The following TAMM41 variants were observed in gnomAD, a reference collection of about 807,000 sequenced individuals.
The protein encoded by TAMM41 is phosphatidate cytidylyltransferase, mitochondrial.
A neutral mutation model predicts 44.1 loss-of-function variants in TAMM41; 36 were observed. That is an observed-to-expected ratio of 0.82 (90% CI 0.63 to 1.08). The LOEUF (loss-of-function observed/expected upper bound fraction) is 1.08, where lower values mean the gene tolerates loss of function less well. TAMM41 is among the 50% of genes least tolerant of loss of function. The probability of loss-of-function intolerance (pLI) is 0.00; values close to 1 mark genes in which losing one functional copy is unlikely to be tolerated. For missense variants in TAMM41, 417 were observed against 404.3 expected (o/e 1.03, Z -0.27); for synonymous variants, 164 against 153.1 (o/e 1.07, Z -0.53).
chr3:11,776,321 T>A, the TAMM41 span, among the ~76,000 whole-genome samples: 3 of 128,730 alleles, frequency 2.3e-5, no homozygotes, highest in East Asian at 2.0e-4. Flanking sequence ...CCCGGCCATT[T>A]AAAATTTTTT....
At chr3:11,782,337 G>A in the TAMM41 span, among the ~76,000 whole-genome samples, 1 of 152,098 alleles carries the variant, frequency 6.6e-6, no homozygotes, top group Non-Finnish European at 1.5e-5. Context: ...CTTGAGCCCA[G>A]CAGCTCAAGA....
intron 7 of TAMM41, among the ~76,000 whole-genome samples, chr3:11,800,406 T>G (rs1160583356): frequency 6.6e-6 from 1 of 152,042 alleles, no homozygotes; most frequent in African/African-American, 2.4e-5. Flanking sequence ...ACCTATATGC[T>G]ACCTACAAGA....
At position 11,823,412 on chromosome 3, in the gene TAMM41, C is replaced by G. The variant is rs192129420; in HGVS notation, c.563-6075G>C. ...CTGGGATTACAGGTGCACACCACCA[C>G]GTCCAACTAATTTTTTGTATTTTCA... On this transcript the variant is annotated intron_variant, in intron 4 of 7. Coordinates refer to ENST00000455809, the MANE Select transcript of TAMM41 (RefSeq NM_001284401.2). 5.9e-5 allele frequency among the ~76,000 whole-genome samples: 9 copies of G among 151,444 alleles called. No homozygotes were observed. In the East Asian group the frequency reaches 1.6e-3, roughly 26 times the overall value.
chr3:11,825,363 G>A (rs545462732), intron 4 of TAMM41, among the ~76,000 whole-genome samples: 3 of 152,192 alleles, frequency 2.0e-5, no homozygotes, highest in South Asian at 4.2e-4. Context: ...CCTGAGTTCC[G>A]GCTGAGGCAC....
At chr3:11,746,517 A>G in the TAMM41 span, among the ~76,000 whole-genome samples, 36 of 152,296 alleles carry the variant, frequency 2.4e-4, no homozygotes, top group Admixed American at 1.7e-3. Context: ...TATTCCTGCA[A>G]TGAAATACTA....
At chr3:11,805,999 G>C (rs954704539) in intron 7 of TAMM41, among the ~76,000 whole-genome samples, 14 of 152,160 alleles carry the variant, frequency 9.2e-5, no homozygotes, top group African/African-American at 3.4e-4. Context: ...AGATCTGATG[G>C]TTCTATAAAA....
At chr3:11,735,768 A>G in the TAMM41 span, among the ~76,000 whole-genome samples, 1 of 152,220 alleles carries the variant, frequency 6.6e-6, no homozygotes, top group African/African-American at 2.4e-5. Flanking sequence ...ACATTTGAGC[A>G]GGAACGTGAA....
the TAMM41 span, among the ~76,000 whole-genome samples, chr3:11,757,213 G>T: frequency 6.6e-6 from 1 of 152,150 alleles, no homozygotes; most frequent in African/African-American, 2.4e-5. Flanking sequence ...AGCACGGTAA[G>T]ATCCATGTTC....
intron 4 of TAMM41, among the ~76,000 whole-genome samples, chr3:11,818,799 GCC>G (rs750508306): frequency 1 from 150,990 of 150,996 alleles, 75,494 homozygotes; most frequent in Non-Finnish European, 1. Flanking sequence ...TTGGGGGGGG[GCC>G]GCAGGAGAAT....
At chr3:11,748,843 G>T in the TAMM41 span, among the ~76,000 whole-genome samples, 1 of 151,834 alleles carries the variant, frequency 6.6e-6, no homozygotes, top group East Asian at 1.9e-4. Context: ...GAGCCTGGAG[G>T]TCCCAGGGGT....
chr3:11,784,796 C>T, the TAMM41 span, among the ~76,000 whole-genome samples: 16 of 108,986 alleles, frequency 1.5e-4, no homozygotes, highest in African/African-American at 5.1e-4. Context: ...CTTTTCTTTT[C>T]TTTTTTTTTT....
chr3:11,807,449 C>T (rs1559278630), intron 7 of TAMM41: 1 of 1,534,284 alleles, frequency 6.5e-7, no homozygotes, highest in Admixed American at 2.0e-5. Flanking sequence ...CAAAAATAAC[C>T]CACTAAGACA....
the TAMM41 span, among the ~76,000 whole-genome samples, chr3:11,722,377 G>A: frequency 6.6e-6 from 1 of 151,912 alleles, no homozygotes; most frequent in Non-Finnish European, 1.5e-5. Flanking sequence ...GTAAGAAAAA[G>A]GGGGGTTGTT....
chr3:11,772,302 T>C, the TAMM41 span, among the ~76,000 whole-genome samples: 122 of 151,088 alleles, frequency 8.1e-4, no homozygotes, highest in African/African-American at 2.4e-3. Flanking sequence ...AGGATGGTCT[T>C]CATCTCCTGA....
chr3:11,826,032 C>T (rs1052503205), intron 4 of TAMM41, among the ~76,000 whole-genome samples: 1 of 152,094 alleles, frequency 6.6e-6, no homozygotes, highest in African/African-American at 2.4e-5. Context: ...TGCCCCTTTC[C>T]CAACGAAAGT....
chr3:11,773,213 T>A, the TAMM41 span, among the ~76,000 whole-genome samples: 1 of 152,036 alleles, frequency 6.6e-6, no homozygotes, highest in Non-Finnish European at 1.5e-5. Flanking sequence ...TGCCTCAGCT[T>A]CCCAAAGTGC....
chr3:11,736,251 G>C, the TAMM41 span, among the ~76,000 whole-genome samples: 1 of 152,150 alleles, frequency 6.6e-6, no homozygotes. Flanking sequence ...GTTAATTGCA[G>C]CCACATGTGC....
the TAMM41 span, among the ~76,000 whole-genome samples, chr3:11,776,448 T>C: frequency 1.3e-5 from 2 of 152,168 alleles, no homozygotes; most frequent in African/African-American, 2.4e-5. Flanking sequence ...CCACTGTGCC[T>C]GACTTACTGT....
intron 5 of TAMM41, chr3:11,811,102 C>G (rs2078074391): frequency 1.3e-5 from 2 of 151,854 alleles, no homozygotes; most frequent in African/African-American, 2.4e-5. Flanking sequence ...ATACCAAATA[C>G]CTGAATTTTC....
Sources: allele counts gnomAD v4.1 joint callset (sites outside exome capture counted in the v4.1 genomes callset), GRCh38; gene constraint gnomAD v4.1.1; transcripts MANE v1.5; gene names NCBI Gene and HGNC (gene_info 2026-07-23, HGNC 2026-07-21).